The following EVC2 variants were observed in gnomAD, a reference collection of about 807,000 sequenced individuals.
EVC2 encodes EvC ciliary complex subunit 2, also known as limbin.
EVC2 carries 148 observed loss-of-function variants against 149.3 expected under a neutral mutation model. The observed-to-expected ratio is 0.99, with a 90% CI of 0.87 to 1.14. The LOEUF (loss-of-function observed/expected upper bound fraction) is 1.14. EVC2 is among the 50% of genes most tolerant of loss of function. The pLI is 0.00. For missense variants in EVC2, 1,854 were observed against 1,627.3 expected, an observed-to-expected ratio of 1.14 and a Z score of -2.40; for synonymous variants, 776 against 649.9, an observed-to-expected ratio of 1.19 and a Z score of -2.95.
At position 5,688,424 on chromosome 4, in the gene EVC2, C is replaced by G. The variant is rs115800569; in HGVS notation, c.706+733G>C. Among the ~76,000 whole-genome samples the G allele has an allele frequency of 6.8e-3, 1,039 of 152,238 alleles. 13 individuals carry two copies. The highest frequency in any genetic ancestry group is 0.024 in the African/African-American group (997 of 41,524). ...CAGCGGCCAGCCCTATGACCTCGGGCAAGCTTCTCAGCCACTTTAGTCCCA... is the reference window on the plus strand; with the variant it reads ...CAGCGGCCAGCCCTATGACCTCGGGGAAGCTTCTCAGCCACTTTAGTCCCA... On this transcript the variant is annotated intron_variant, in intron 5 of 21. Coordinates refer to ENST00000344408, the MANE Select transcript of EVC2 (RefSeq NM_147127.5).
rs758656568 is a variant in EVC2, at chr4:5,631,952, T to C, written c.1551A>G (p.Gln517=). The part of the protein sequence containing the change: ...QEHLRKSLAL[Q]QEEDFAKAHR... ...GAGCTTTGGCAAAGTCTTCTTCTTG[T>C]TGCAAAGCGAGAGACTTCCTCAAGT... The change falls in exon 11 of 22, where the codon CAA becomes CAG. Residue 517 remains glutamine, a synonymous_variant. Transcript: ENST00000344408. 6.2e-7 allele frequency: 1 copy of C among 1,614,176 alleles called. No individual in the cohort carries two copies. The highest frequency in any genetic ancestry group is 8.5e-7 in the Non-Finnish European group (1 of 1,180,038).
At position 5,640,924 on chromosome 4, in the gene EVC2, T is replaced by C. The variant is rs574681370; in HGVS notation, c.1146-86A>G. On this transcript the variant is annotated intron_variant, in intron 9 of 21. Transcript: ENST00000344408. This position sits in a 1 kb window ranked among gnomAD's most constrained non-coding sequence, Gnocchi z 4.6. Reference sequence around the variant, plus strand: ...CTTTCAAAGCTCTGAGGTTTTCATTTATGTGTAGGCAAGGGCTTTCTTCGT... The same window carrying C: ...CTTTCAAAGCTCTGAGGTTTTCATTCATGTGTAGGCAAGGGCTTTCTTCGT... The C allele has an allele frequency of 3.9e-4, 579 of 1,475,242 alleles. No individual in the cohort carries two copies. The highest frequency in any genetic ancestry group is 4.6e-4 in the Non-Finnish European group (491 of 1,059,600). The allele number at this position is 1,475,242 out of a possible 1,614,324, so 91.4% of individuals were successfully genotyped here. A position where few individuals can be genotyped will look rare whatever the true frequency, so the allele number is the denominator to read the frequency against.
chr4:5,656,038 C>T (rs553357877), intron 9 of EVC2, among the ~76,000 whole-genome samples: 1 of 152,316 alleles, frequency 6.6e-6, no homozygotes, highest in South Asian at 2.1e-4. Context: ...GCACTGTAGT[C>T]TCAGAAAAGA....
intron 16 of EVC2, among the ~76,000 whole-genome samples, chr4:5,592,210 C>A (rs990963569): frequency 2.6e-5 from 4 of 152,194 alleles, no homozygotes; most frequent in Non-Finnish European, 4.4e-5. Context: ...AAGAGCAGGC[C>A]TCCTTACCAA....
Position 5,628,607 on chromosome 4 carries a change from A to G in EVC2, c.1838T>C (p.Leu613Pro). ...AGTCAGCTGGGCTGCAGCGGTGCTCAGAAGGCCCTGCACACGGGTCTCTGA... is the reference window on the plus strand; with the variant it reads ...AGTCAGCTGGGCTGCAGCGGTGCTCGGAAGGCCCTGCACACGGGTCTCTGA... ...QSSETRVQGL[L>P]STAAAQLTHL... The change falls in exon 12 of 22, where the codon CTG becomes CCG. Residue 613 changes from leucine (L) to proline (P), a missense_variant. Physicochemically the swap from Leu to Pro is moderately conservative, Grantham distance 98. Transcript: ENST00000344408. 1 of 1,614,166 alleles carries G rather than the reference A, an allele frequency of 6.2e-7. No individual in the cohort carries two copies. The highest frequency in any genetic ancestry group is 8.5e-7 in the Non-Finnish European group (1 of 1,180,034).
chr4:5,705,161 C>T (rs1722055919), intron 1 of EVC2, among the ~76,000 whole-genome samples: 1 of 152,166 alleles, frequency 6.6e-6, no homozygotes. Context: ...GGCATCACAA[C>T]CAACCTAAAT....
At chr4:5,557,106 TAAAG>T (rs758826014) in intron 21 of EVC2, among the ~76,000 whole-genome samples, 3 of 151,848 alleles carry the variant, frequency 2.0e-5, no homozygotes, top group Non-Finnish European at 4.4e-5. Flanking sequence ...AAAAAACAGA[TAAAG>T]AAAATACAAG....
intron 16 of EVC2, among the ~76,000 whole-genome samples, chr4:5,585,470 G>T (rs1043539942): frequency 6.6e-6 from 1 of 152,146 alleles, no homozygotes; most frequent in Non-Finnish European, 1.5e-5. Context: ...TTCAAACCAG[G>T]TGCCCAGGGT....
At chr4:5,587,769 G>T (rs541515251) in intron 16 of EVC2, among the ~76,000 whole-genome samples, 1 of 152,268 alleles carries the variant, frequency 6.6e-6, no homozygotes, top group African/African-American at 2.4e-5. Context: ...GCAAGCAGGG[G>T]TACGTGACTG....
intron 9 of EVC2, among the ~76,000 whole-genome samples, chr4:5,646,180 C>G (rs1194717982): frequency 6.6e-6 from 1 of 152,312 alleles, no homozygotes; most frequent in South Asian, 2.1e-4. Flanking sequence ...ATCCACCTCC[C>G]TCGGTCTCCC....
In EVC2 at chr4:5,595,280, G is replaced by A. The variant is rs534604918; in HGVS notation, c.2830-10430C>T. Among the ~76,000 whole-genome samples the A allele has an allele frequency of 2.7e-3, 410 of 152,180 alleles. 3 individuals are homozygous for A. The highest frequency in any genetic ancestry group is 8.3e-3 in the African/African-American group (345 of 41,522). The stretch of plus-strand genomic sequence containing the variant: ...ACACATAATTGTCAGATTCACCAAA[G>A]TTGAAATGAAGGAAAAAATGTTAAG... On this transcript the variant is annotated intron_variant, in intron 16 of 21. Coordinates refer to ENST00000344408, the MANE Select transcript of EVC2 (RefSeq NM_147127.5).
intron 1 of EVC2, among the ~76,000 whole-genome samples, chr4:5,707,235 T>C (rs534414088): frequency 1.1e-4 from 16 of 152,226 alleles, no homozygotes; most frequent in Non-Finnish European, 1.5e-4. Flanking sequence ...CATTGGACTT[T>C]TGAAAGCTCA....
intron 9 of EVC2, among the ~76,000 whole-genome samples, chr4:5,656,287 T>C (rs1263203393): frequency 6.6e-6 from 1 of 152,026 alleles, no homozygotes; most frequent in Non-Finnish European, 1.5e-5. Flanking sequence ...CCATAAACCA[T>C]TCTCTGACAC....
intron 7 of EVC2, among the ~76,000 whole-genome samples, chr4:5,667,765 TC>T (rs1170488630): frequency 6.6e-6 from 1 of 152,188 alleles, no homozygotes; most frequent in Non-Finnish European, 1.5e-5. Context: ...GGACTCAGTG[TC>T]CAGGGTTTTT....
At chr4:5,582,897 G>A (rs1417316715) in intron 17 of EVC2, among the ~76,000 whole-genome samples, 2 of 152,146 alleles carry the variant, frequency 1.3e-5, no homozygotes, top group African/African-American at 2.4e-5. Context: ...CTCTGGCTAT[G>A]TAAGACATGC....
At chr4:5,533,613 G>A in the EVC2 span, among the ~76,000 whole-genome samples, 2 of 152,200 alleles carry the variant, frequency 1.3e-5, no homozygotes, top group African/African-American at 2.4e-5. Flanking sequence ...GCCAGTAAGG[G>A]GCAGAAGAGC....
intron 16 of EVC2, among the ~76,000 whole-genome samples, chr4:5,596,971 T>C (rs963512054): frequency 1.3e-5 from 2 of 151,948 alleles, no homozygotes; most frequent in African/African-American, 2.4e-5. Flanking sequence ...CTAGAAGAAA[T>C]GGATAAATTC....
downstream of EVC2, among the ~76,000 whole-genome samples, chr4:5,539,692 T>G (rs1220905607): frequency 1.3e-5 from 2 of 152,162 alleles, no homozygotes; most frequent in Non-Finnish European, 2.9e-5. Flanking sequence ...AAAAACAGTC[T>G]TTTCAAAAAA....
rs956555128 is a variant in EVC2, at chr4:5,708,301, G to T, written c.213C>A (p.Pro71=). 6.8e-7 allele frequency: 1 copy of T among 1,470,864 alleles called. No homozygotes were observed. Among genetic ancestry groups the T allele is most frequent in the Admixed American group, 2.3e-5 (1 of 42,632 alleles). The allele number at this position is 1,470,864 out of a possible 1,614,324, so 91.1% of individuals were successfully genotyped here. A position where few individuals can be genotyped will look rare whatever the true frequency, so the allele number is the denominator to read the frequency against. ...CCCTCCTTACCTGCGTGCTGCTCTC[G>T]GGCCCCGCCCCGCTCCGCCCCGGAG... is the stretch of plus-strand genomic sequence containing the variant. ...RIPPGRSGAG[P]ESSTQDLPCM... The change falls in exon 1 of 22, where the codon CCC becomes CCA. Residue 71 remains proline (P), a synonymous_variant. Coordinates refer to ENST00000344408, the MANE Select transcript of EVC2 (RefSeq NM_147127.5).
Sources: gnomAD v4.1 joint callset for allele counts (sites outside exome capture counted in the v4.1 genomes callset) on GRCh38, gnomAD v4.1.1 for gene constraint, Gnocchi (gnomAD v3.1) non-coding constraint, MANE v1.5 for transcripts, NCBI Gene and HGNC (gene_info 2026-07-23, HGNC 2026-07-21) for gene names.